The following UBR1 variants were observed in gnomAD, a reference collection of about 807,000 sequenced individuals.
The protein encoded by UBR1 is E3 ubiquitin-protein ligase UBR1.
Under a neutral mutation model 242.1 loss-of-function variants are expected in UBR1, and 102 were observed. That is an observed-to-expected ratio of 0.42 (90% CI 0.36 to 0.50). The LOEUF (loss-of-function observed/expected upper bound fraction) is 0.50, where lower values mean the gene tolerates loss of function less well. UBR1 is among the 20% of genes least tolerant of loss of function. UBR1 has a pLI of 0.01. For synonymous variants in UBR1, 675 were observed against 684.8 expected (o/e 0.99, Z 0.22); for missense variants, 1,772 against 2,101.8 (o/e 0.84, Z 3.07).
chr15:43,050,420 A>G (rs1195591663), intron 12 of UBR1, among the ~76,000 whole-genome samples: 1 of 152,176 alleles, frequency 6.6e-6, no homozygotes, highest in Admixed American at 6.5e-5. Context: ...GAAAAAATGA[A>G]TAAGTGAGGC....
chr15:42,976,640 A>C, intron 39 of UBR1, 77 bp downstream of exon 39: 3 of 1,530,490 alleles, frequency 2.0e-6, no homozygotes. Context: ...ACATTATATA[A>C]TCACAAGAAT....
rs55804490 is a variant in UBR1 at position 43,052,034 on chromosome 15, C to T, written c.1439+2708G>A. On this transcript the variant is annotated intron_variant, in intron 12 of 46. Transcript: ENST00000290650. ...GAGAAACAAAGTACCCCATGAGATACCTCCCAAAAAGCAAGTGACAAAACT... is the reference window on the plus strand; with the variant it reads ...GAGAAACAAAGTACCCCATGAGATATCTCCCAAAAAGCAAGTGACAAAACT... Among the ~76,000 whole-genome samples the T allele has an allele frequency of 2.9e-3, 444 of 152,256 alleles. 4 individuals carry two copies. The highest frequency in any genetic ancestry group is 0.01 in the African/African-American group (430 of 41,546).
chr15:43,034,601 A>C (rs867190849), intron 19 of UBR1, among the ~76,000 whole-genome samples: 1 of 152,190 alleles, frequency 6.6e-6, no homozygotes, highest in African/African-American at 2.4e-5. Flanking sequence ...GAGCCTGAAG[A>C]AAAACATGTT....
At chr15:43,078,246 A>G (rs2033931020) in intron 3 of UBR1, among the ~76,000 whole-genome samples, 1 of 152,238 alleles carries the variant, frequency 6.6e-6, no homozygotes. Flanking sequence ...GAGAAGCAGT[A>G]CTTTTGGAAG....
chr15:43,042,970 T>C (rs987709992), intron 15 of UBR1, among the ~76,000 whole-genome samples: 7 of 152,128 alleles, frequency 4.6e-5, no homozygotes, highest in African/African-American at 1.4e-4. Context: ...ACGTTAGTCC[T>C]TAAGTATATA....
intron 7 of UBR1, 95 bp downstream of exon 7, chr15:43,059,957 C>T (rs2033662808): frequency 1.3e-6 from 2 of 1,558,158 alleles, no homozygotes; most frequent in Non-Finnish European, 1.8e-6. Context: ...CCCCAAACCA[C>T]TTCAACGACA....
intron 22 of UBR1, 106 bp from the exon 23 acceptor site, chr15:43,026,769 A>T: frequency 1.1e-6 from 1 of 936,968 alleles, no homozygotes; most frequent in Non-Finnish European, 1.6e-6. Flanking sequence ...TACAGAAAAA[A>T]ATTATGTCTC....
intron 19 of UBR1, among the ~76,000 whole-genome samples, chr15:43,033,428 A>G (rs1415368825): frequency 6.6e-6 from 1 of 151,540 alleles, no homozygotes; most frequent in East Asian, 2.0e-4. Flanking sequence ...TGTGGATCAC[A>G]AGGTCAGGAG....
At chr15:43,016,043 CTAAT>C (rs2033019120) in intron 28 of UBR1, among the ~76,000 whole-genome samples, 174 bp from the exon 29 acceptor site, 1 of 152,178 alleles carries the variant, frequency 6.6e-6, no homozygotes, top group Non-Finnish European at 1.5e-5. Flanking sequence ...CATCATACAA[CTAAT>C]TATTCCTTTA....
At chr15:42,996,518 G>GC (rs1182486755) in intron 33 of UBR1, among the ~76,000 whole-genome samples, 22 of 152,084 alleles carry the variant, frequency 1.4e-4, no homozygotes, top group Non-Finnish European at 2.5e-4. Context: ...GATCACTTGT[G>GC]CCCAGGAAGT....
At chr15:43,017,015 G>T in intron 28 of UBR1, 80 bp downstream of exon 28, 1 of 1,098,246 alleles carries the variant, frequency 9.1e-7, no homozygotes, top group Non-Finnish European at 1.4e-6. Context: ...TAACAAAAAA[G>T]CAGTAGCTCC....
Position 42,976,836 on chromosome 15 carries a change from T to C in UBR1, c.4250A>G (p.Tyr1417Cys), listed in dbSNP as rs1248081326. 1.4e-5 allele frequency: 23 copies of C among 1,613,804 alleles called. No individual in the cohort carries two copies. The highest frequency in any genetic ancestry group is 2.7e-5 in the African/African-American group (2 of 74,878). The change falls in exon 39 of 47, where the codon TAT becomes TGT. Residue 1417 changes from tyrosine (Y) to cysteine (C), a missense_variant. By Grantham distance (194) the Tyr-to-Cys change is radical (BLOSUM62 -2). This residue lies in a region of UBR1 where 965 missense variants were observed against 1,079.7 expected (regional missense o/e 0.89). Coordinates refer to ENST00000290650, the MANE Select transcript of UBR1 (RefSeq NM_174916.3). ...VGAVLAFPSL[Y>C]WDDPVDLQPS... Reference sequence around the variant, plus strand: ...CTGCAGATCAACAGGGTCATCCCAATACAAGGATGGGAATGCTAACACAGC... The same window carrying C: ...CTGCAGATCAACAGGGTCATCCCAACACAAGGATGGGAATGCTAACACAGC...
Position 43,059,693 on chromosome 15 carries a change from T to C in UBR1, c.985+9A>G. On this transcript the variant is annotated intron_variant, in intron 8 of 46. Transcript: ENST00000290650. ...TATCAGAAACAAGAAAAACAGGAGGTATGCTTACTTGAATAGCTCATAATT... is the reference window on the plus strand; with the variant it reads ...TATCAGAAACAAGAAAAACAGGAGGCATGCTTACTTGAATAGCTCATAATT... 2 of 1,613,336 alleles carry C rather than the reference T, an allele frequency of 1.2e-6. No individual in the cohort carries two copies. Among genetic ancestry groups the C allele is most frequent in the Non-Finnish European group, 1.7e-6 (2 of 1,179,890 alleles).
chr15:43,019,863 CA>C (rs1171918527), intron 27 of UBR1, among the ~76,000 whole-genome samples: 1 of 151,812 alleles, frequency 6.6e-6, no homozygotes, highest in Non-Finnish European at 1.5e-5. Context: ...CTCCGCCTCC[CA>C]AAGTGCTGGG....
intron 29 of UBR1, among the ~76,000 whole-genome samples, chr15:43,009,767 G>A (rs911392875): frequency 8.5e-5 from 13 of 152,196 alleles, no homozygotes; most frequent in African/African-American, 2.4e-4. Context: ...TGTTGTCTCT[G>A]TCTGTGCAAG....
intron 5 of UBR1, among the ~76,000 whole-genome samples, chr15:43,069,511 G>A (rs768844129): frequency 9.5e-4 from 145 of 152,288 alleles, no homozygotes; most frequent in Non-Finnish European, 1.6e-3. Context: ...TCCTGACGTC[G>A]TGATCCACCC....
At chr15:43,039,741 A>G (rs2033391151) in intron 15 of UBR1, among the ~76,000 whole-genome samples, 1 of 152,224 alleles carries the variant, frequency 6.6e-6, no homozygotes, top group African/African-American at 2.4e-5. Flanking sequence ...GAGAGAAGGC[A>G]TCCTTGTCTT....
intron 6 of UBR1, among the ~76,000 whole-genome samples, chr15:43,063,432 C>T (rs903513018): frequency 2.2e-4 from 33 of 152,094 alleles, no homozygotes; most frequent in African/African-American, 7.7e-4. Context: ...GTAATCCTAC[C>T]ACAATAATAT....
intron 40 of UBR1, among the ~76,000 whole-genome samples, chr15:42,967,811 C>A (rs1377319715): frequency 6.6e-6 from 1 of 151,592 alleles, no homozygotes; most frequent in Admixed American, 6.6e-5. Flanking sequence ...AAAAGAAAGA[C>A]TGGTAAAGGT....
Sources: gnomAD v4.1 joint callset for allele counts (sites outside exome capture counted in the v4.1 genomes callset) on GRCh38, gnomAD v4.1.1 for gene constraint, gnomAD v4.1.1 regional missense constraint, MANE v1.5 for transcripts, NCBI Gene and HGNC (gene_info 2026-07-23, HGNC 2026-07-21) for gene names.